PCDH9: variants seen among roughly 807,000 people sequenced by gnomAD.
PCDH9 encodes protocadherin-9.
Under a neutral mutation model 70.6 loss-of-function variants are expected in PCDH9, and 24 were observed. The ratio of observed to expected loss-of-function variants is 0.34; its 90% confidence interval spans 0.25 to 0.48. The LOEUF (loss-of-function observed/expected upper bound fraction) is 0.48. Among genes scored for constraint, PCDH9 ranks in the 20% least tolerant of loss-of-function variants. PCDH9 has a pLI of 0.99. For missense variants in PCDH9, 1,281 were observed against 1,503.6 expected (o/e 0.85, Z 2.45); for synonymous variants, 562 against 558.5 (o/e 1.01, Z -0.09).
rs1225450927 is a variant in PCDH9 at position 66,779,815 on chromosome 13, A to ATCTCTCTCTC, written c.3138+123679_3138+123688dup. On this transcript the variant is annotated intron_variant, in intron 3 of 4. Coordinates refer to ENST00000377865, the MANE Select transcript of PCDH9 (RefSeq NM_203487.3). ...CAGCCTGGCAACAGAGCGAGACTCC[A>ATCTCTCTCTC]TCTCTCTCTCTCTCTCTCTCTCTCT... is the stretch of plus-strand genomic sequence containing the variant. Among the ~76,000 whole-genome samples the ATCTCTCTCTC allele has an allele frequency of 1.7e-3, 171 of 100,912 alleles. 1 individual carries two copies. The highest frequency in any genetic ancestry group is 2.8e-3 in the South Asian group (7 of 2,500). The allele number at this position is 100,912 out of a possible 152,430, so 66.2% of individuals were successfully genotyped here.
intron 2 of PCDH9, among the ~76,000 whole-genome samples, chr13:67,097,481 C>T (rs2086345564): frequency 6.6e-6 from 1 of 151,802 alleles, no homozygotes; most frequent in Admixed American, 6.6e-5. Flanking sequence ...ATTCTTTTCA[C>T]TAGGAAAAAA....
chr13:67,130,437 C>T (rs2087084278), intron 2 of PCDH9, among the ~76,000 whole-genome samples: 1 of 151,772 alleles, frequency 6.6e-6, no homozygotes, highest in Admixed American at 6.6e-5. Flanking sequence ...GATCTAAAAT[C>T]TAAAAAAGGT....
At chr13:67,155,084 A>AATTTTGT (rs1203104370) in intron 2 of PCDH9, among the ~76,000 whole-genome samples, 1 of 151,992 alleles carries the variant, frequency 6.6e-6, no homozygotes, top group Non-Finnish European at 1.5e-5. Context: ...GACGGTTTTC[A>AATTTTGT]ATTTTGTATT....
chr13:66,492,237 C>G (rs1192439830), intron 4 of PCDH9, among the ~76,000 whole-genome samples: 1 of 151,906 alleles, frequency 6.6e-6, no homozygotes, highest in African/African-American at 2.4e-5. Flanking sequence ...TTAGCTGTTG[C>G]TATTTACTTT....
chr13:66,521,098 G>A (rs1959967329), intron 4 of PCDH9, among the ~76,000 whole-genome samples: 1 of 152,094 alleles, frequency 6.6e-6, no homozygotes, highest in African/African-American at 2.4e-5. Flanking sequence ...CCCTTCATTT[G>A]GAAGACAGCT....
At chr13:66,805,727 T>A (rs1268233358) in intron 3 of PCDH9, among the ~76,000 whole-genome samples, 2 of 152,200 alleles carry the variant, frequency 1.3e-5, no homozygotes, top group Admixed American at 6.5e-5. Flanking sequence ...TATGTCCTCA[T>A]ATCAAGATGA....
intron 2 of PCDH9, among the ~76,000 whole-genome samples, chr13:67,154,605 T>TACACACACACACAC (rs765270091): frequency 1.1e-5 from 1 of 93,284 alleles, no homozygotes; most frequent in South Asian, 3.4e-4. Context: ...AATATATATA[T>TACACACACACACAC]ACACACACAC....
At chr13:66,675,095 T>A (rs2139046433) in intron 3 of PCDH9, among the ~76,000 whole-genome samples, 1 of 152,272 alleles carries the variant, frequency 6.6e-6, no homozygotes, top group South Asian at 2.1e-4. Flanking sequence ...ATAAGAAATT[T>A]AAAATTTTGA....
intron 4 of PCDH9, among the ~76,000 whole-genome samples, chr13:66,411,542 C>G (rs1451061247): frequency 6.6e-6 from 1 of 152,042 alleles, no homozygotes; most frequent in African/African-American, 2.4e-5. Flanking sequence ...CTTGCCTCAG[C>G]CTCCCAAATT....
intron 2 of PCDH9, among the ~76,000 whole-genome samples, chr13:67,095,291 T>C (rs2086297717): frequency 6.6e-6 from 1 of 152,176 alleles, no homozygotes; most frequent in African/African-American, 2.4e-5. Context: ...ATTTAGATTG[T>C]ATGTTAACTA....
At chr13:67,133,684 G>A (rs1461827537) in intron 2 of PCDH9, among the ~76,000 whole-genome samples, 1 of 152,006 alleles carries the variant, frequency 6.6e-6, no homozygotes, top group Non-Finnish European at 1.5e-5. Flanking sequence ...CTGGCAGGCA[G>A]TTTGTGTTTT....
intron 4 of PCDH9, among the ~76,000 whole-genome samples, chr13:66,562,966 A>G (rs1205667758): frequency 1.3e-5 from 2 of 152,156 alleles, no homozygotes; most frequent in African/African-American, 4.8e-5. Flanking sequence ...TATAGTATAT[A>G]TAGTAATACC....
At chr13:66,469,120 A>C (rs1284144046) in intron 4 of PCDH9, among the ~76,000 whole-genome samples, 1 of 152,138 alleles carries the variant, frequency 6.6e-6, no homozygotes. Flanking sequence ...TACAATTATC[A>C]TTCTGAGACT....
intron 4 of PCDH9, among the ~76,000 whole-genome samples, chr13:66,357,593 A>G (rs1956405210): frequency 6.6e-6 from 1 of 152,096 alleles, no homozygotes. Flanking sequence ...AGGAACATAT[A>G]TAACTCCATG....
intron 2 of PCDH9, chr13:67,212,151 A>G (rs1481644538): frequency 2.0e-5 from 3 of 152,144 alleles, no homozygotes; most frequent in Admixed American, 2.0e-4. Context: ...TTAAGAATGA[A>G]AAAGTACATT....
intron 2 of PCDH9, among the ~76,000 whole-genome samples, chr13:67,162,401 AT>A (rs1364114196): frequency 4.6e-5 from 7 of 152,200 alleles, no homozygotes; most frequent in Admixed American, 6.5e-5. Context: ...TGGACTGGAT[AT>A]TTTCTCTTGG....
At chr13:66,762,920 A>T (rs2079651586) in intron 3 of PCDH9, among the ~76,000 whole-genome samples, 1 of 151,986 alleles carries the variant, frequency 6.6e-6, no homozygotes, top group African/African-American at 2.4e-5. Flanking sequence ...ATTCAGAAAG[A>T]TTCAAAGCAA....
At chr13:67,121,122 A>T (rs888679839) in intron 2 of PCDH9, among the ~76,000 whole-genome samples, 14 of 152,210 alleles carry the variant, frequency 9.2e-5, no homozygotes, top group African/African-American at 3.4e-4. Context: ...ATATAAACAA[A>T]GAGCTAGTAA....
At chr13:66,903,124 C>A (rs942821586) in intron 3 of PCDH9, among the ~76,000 whole-genome samples, 3 of 151,670 alleles carry the variant, frequency 2.0e-5, no homozygotes, top group Non-Finnish European at 3.0e-5. Context: ...GGAGATGAAT[C>A]GAATTAACCT....
Sources: gnomAD v4.1 joint callset for allele counts (sites outside exome capture counted in the v4.1 genomes callset) on GRCh38, gnomAD v4.1.1 for gene constraint, MANE v1.5 for transcripts, NCBI Gene and HGNC (gene_info 2026-07-23, HGNC 2026-07-21) for gene names.